HECTD4: variants seen among roughly 807,000 people sequenced by gnomAD.
HECTD4 encodes HECT domain E3 ubiquitin protein ligase 4.
Under a neutral mutation model 471.5 loss-of-function variants are expected in HECTD4, and 114 were observed. That is an observed-to-expected ratio of 0.24 (90% CI 0.21 to 0.28). The LOEUF (loss-of-function observed/expected upper bound fraction) is 0.28, where lower values mean the gene tolerates loss of function less well. HECTD4 is among the 10% of genes least tolerant of loss of function. HECTD4 has a pLI of 1.00. For synonymous variants in HECTD4, 2,012 were observed against 2,256.0 expected (o/e 0.89, Z 3.07); for missense variants, 3,866 against 5,651.5 (o/e 0.68, Z 10.13).
At position 112,312,926 on chromosome 12, in the gene HECTD4, C is replaced by T. The variant is rs1230665379; in HGVS notation, c.916+91G>A. 3.0e-6 allele frequency: 3 copies of T among 994,394 alleles called. No homozygotes were observed. In the African/African-American group the frequency reaches 4.9e-5, roughly 16 times the overall value. 61.6% of individuals were successfully genotyped at this position (994,394 alleles called of 1,614,324 possible). ...GGAGCTCTTAATTAAAAGGAACATA[C>T]AGAGTTATAGCCATATCATTTGCTA... On this transcript the variant is annotated intron_variant, in intron 4 of 75. Coordinates refer to ENST00000682272, the MANE Select transcript of HECTD4 (RefSeq NM_001388303.1).
At chr12:112,323,941 G>A (rs1488532351) in intron 1 of HECTD4, among the ~76,000 whole-genome samples, 2 of 143,658 alleles carry the variant, frequency 1.4e-5, no homozygotes, top group Admixed American at 7.0e-5. Context: ...ATTTTTTACT[G>A]AGGTGCTTCT....
In HECTD4 at chr12:112,284,217, C is replaced by G. The variant is rs141822623; in HGVS notation, c.1336-915G>C. On this transcript the variant is annotated intron_variant, in intron 7 of 75. Transcript: ENST00000682272. ...TTAGTGTCTCCCTCTCTATTGAGTT[C>G]CTTCTCTTTGTTTTCAAATATTCAC... Among the ~76,000 whole-genome samples the G allele has an allele frequency of 1.1e-3, 164 of 152,274 alleles. 1 individual carries two copies. The highest frequency in any genetic ancestry group is 3.9e-3 in the African/African-American group (161 of 41,560).
At chr12:112,167,247 T>C in intron 72 of HECTD4, 70 bp downstream of exon 72, 4 of 1,387,196 alleles carry the variant, frequency 2.9e-6, no homozygotes, top group Non-Finnish European at 4.0e-6. Flanking sequence ...CGGGTCTGCA[T>C]GGAGGCCTAA....
In HECTD4 at chr12:112,163,455, C is replaced by T. The variant is rs566632838; in HGVS notation, c.12897+87G>A. 69 of 1,218,720 alleles carry T rather than the reference C, an allele frequency of 5.7e-5. 1 individual carries two copies. In the African/African-American group the frequency reaches 9.7e-4, roughly 17 times the overall value. 75.5% of individuals were successfully genotyped at this position (1,218,720 alleles called of 1,614,324 possible). On this transcript the variant is annotated intron_variant, in intron 74 of 75. Coordinates refer to ENST00000682272, the MANE Select transcript of HECTD4 (RefSeq NM_001388303.1). This position sits in a 1 kb window ranked among gnomAD's most constrained non-coding sequence, Gnocchi z 8.2. ...GGACAGAGCTGAGACAGGCCACTGCCGATGCCTGCTGCTGGAGTTGAGGGT... is the reference window on the plus strand; with the variant it reads ...GGACAGAGCTGAGACAGGCCACTGCTGATGCCTGCTGCTGGAGTTGAGGGT...
Position 112,319,494 on chromosome 12 carries a change from T to A in HECTD4, c.426A>T (p.Thr142=), listed in dbSNP as rs1436863643. Residue 142 remains threonine, a synonymous_variant, in exon 2 of 76, where the codon ACA becomes ACT. Coordinates refer to ENST00000682272, the MANE Select transcript of HECTD4 (RefSeq NM_001388303.1). This position sits in a 1 kb window ranked among gnomAD's most constrained non-coding sequence, Gnocchi z 5.3. The part of the protein sequence containing the change: ...LLQQPEQAPF[T]SRMGLLLVFP... ...AGACCAGCAGGAGCCCCATCCTCGA[T>A]GTGAAGGGCGCTTGCTCAGGTTGCT... 1.3e-6 allele frequency: 2 copies of A among 1,501,794 alleles called. No individual in the cohort carries two copies. Among genetic ancestry groups the A allele is most frequent in the Non-Finnish European group, 1.8e-6 (2 of 1,129,028 alleles). The allele number at this position is 1,501,794 out of a possible 1,614,324, so 93.0% of individuals were successfully genotyped here.
chr12:112,229,970 TC>T, intron 40 of HECTD4, 90 bp from the exon 41 acceptor site: 1 of 1,217,650 alleles, frequency 8.2e-7, no homozygotes, highest in Non-Finnish European at 1.1e-6. Flanking sequence ...AGTGCCTGGG[TC>T]CCATGTATTG....
At position 112,308,817 on chromosome 12, in the gene HECTD4, C is replaced by T. The variant is rs763741118; in HGVS notation, c.1100G>A (p.Arg367Gln). ...AGGTTTATTATCGAAAGAGACAGGCCGGTGGAGAAGACTGCCGCTGCCAAA... is the reference window on the plus strand; with the variant it reads ...AGGTTTATTATCGAAAGAGACAGGCTGGTGGAGAAGACTGCCGCTGCCAAA... ...VAFGSGSLLH[R>Q]PVSFDNKPHS... Residue 367 changes from arginine (R) to glutamine (Q), a missense_variant, in exon 6 of 76, where the codon CGG becomes CAG. By Grantham distance (43) the Arg-to-Gln change is conservative. This residue lies in a region of HECTD4 where 440 missense variants were observed against 636.0 expected (regional missense o/e 0.69). Transcript: ENST00000682272. 1 of 1,535,952 alleles carries T rather than the reference C, an allele frequency of 6.5e-7. No individual in the cohort carries two copies. The highest frequency in any genetic ancestry group is 1.2e-5 in the South Asian group (1 of 84,046).
At chr12:112,263,755 A>T (rs983109908) in intron 17 of HECTD4, among the ~76,000 whole-genome samples, 2 of 151,718 alleles carry the variant, frequency 1.3e-5, no homozygotes, top group East Asian at 2.0e-4. Flanking sequence ...ACACACATAC[A>T]CATATATATG....
intron 7 of HECTD4, among the ~76,000 whole-genome samples, chr12:112,298,742 T>C (rs1419441077): frequency 6.6e-6 from 1 of 151,612 alleles, no homozygotes; most frequent in Non-Finnish European, 1.5e-5. Context: ...AATTAGCCAG[T>C]GTGGTGGCGG....
At chr12:112,288,398 G>A (rs574610223) in intron 7 of HECTD4, among the ~76,000 whole-genome samples, 5 of 151,876 alleles carry the variant, frequency 3.3e-5, no homozygotes, top group South Asian at 4.2e-4. Context: ...TGAGGCTAGC[G>A]ATTGCTTGAG....
chr12:112,189,930 T>A (rs1379191030), intron 60 of HECTD4, among the ~76,000 whole-genome samples: 1 of 152,098 alleles, frequency 6.6e-6, no homozygotes, highest in African/African-American at 2.4e-5. Context: ...ATTTTTTGTA[T>A]TTAGTAGAGA....
chr12:112,327,053 C>T (rs754815352), intron 1 of HECTD4, among the ~76,000 whole-genome samples: 59 of 152,122 alleles, frequency 3.9e-4, no homozygotes, highest in Non-Finnish European at 8.1e-4. Context: ...TTGGGCCAGG[C>T]GCGGTGGCTC....
At chr12:112,298,273 G>A (rs1420927458) in intron 7 of HECTD4, among the ~76,000 whole-genome samples, 1 of 152,032 alleles carries the variant, frequency 6.6e-6, no homozygotes, top group Non-Finnish European at 1.5e-5. Context: ...TGCTGTGGTG[G>A]ACAATGAACT....
chr12:112,367,715 GGAGGCT>G (rs765171861), intron 1 of HECTD4, among the ~76,000 whole-genome samples: 69 of 151,138 alleles, frequency 4.6e-4, no homozygotes, highest in Admixed American at 3.6e-3. Context: ...CAGTTACTTG[GGAGGCT>G]GAGGCAGGAG....
chr12:112,237,285 T>TG (rs1329309571), intron 34 of HECTD4, among the ~76,000 whole-genome samples, 187 bp from the exon 35 acceptor site: 1 of 152,256 alleles, frequency 6.6e-6, no homozygotes, highest in East Asian at 1.9e-4. Context: ...TAACTCAATG[T>TG]GGGGGGTAGA....
At chr12:112,216,469 C>A in intron 47 of HECTD4, 98 bp from the exon 48 acceptor site, 1 of 822,284 alleles carries the variant, frequency 1.2e-6, no homozygotes, top group South Asian at 1.5e-5. Flanking sequence ...GGGGGGTGGT[C>A]AGCATTGTGA....
intron 62 of HECTD4, among the ~76,000 whole-genome samples, chr12:112,180,715 G>A (rs1428525808): frequency 1.3e-5 from 2 of 152,104 alleles, no homozygotes; most frequent in Non-Finnish European, 2.9e-5. Flanking sequence ...GACTGGGAAA[G>A]ATAATCATGG....
chr12:112,178,781 C>T (rs531869448), intron 64 of HECTD4, 150 bp downstream of exon 64: 37 of 889,756 alleles, frequency 4.2e-5, no homozygotes, highest in Non-Finnish European at 5.3e-5. Context: ...GTGATCGGGC[C>T]GCTGCACTCC....
chr12:112,169,476 CGTGGA>C, intron 70 of HECTD4, 22 bp downstream of exon 70: 1 of 1,589,140 alleles, frequency 6.3e-7, no homozygotes, highest in Non-Finnish European at 8.6e-7. Context: ...GCTCCTCCAG[CGTGGA>C]GCCTGGCGGG....
Sources: allele counts gnomAD v4.1 joint callset (sites outside exome capture counted in the v4.1 genomes callset), GRCh38; gene constraint gnomAD v4.1.1; regional missense constraint gnomAD v4.1.1; non-coding constraint Gnocchi (gnomAD v3.1); transcripts MANE v1.5; gene names NCBI Gene and HGNC (gene_info 2026-07-23, HGNC 2026-07-21).